Variants in ABCC5 observed in about 807,000 individuals in gnomAD.
ABCC5 encodes the protein ATP-binding cassette sub-family C member 5.
A neutral mutation model predicts 160.9 loss-of-function variants in ABCC5; 61 were observed. The observed-to-expected ratio is 0.38, with a 90% confidence interval of 0.31 to 0.47. ABCC5 has a LOEUF of 0.47. ABCC5 is among the 20% of genes least tolerant of loss of function. The pLI, the probability that ABCC5 is intolerant of heterozygous loss-of-function variation, is 0.99. For synonymous variants in ABCC5, 666 were observed against 700.6 expected, an observed-to-expected ratio of 0.95 and a Z score of 0.78; for missense variants, 1,308 against 1,813.3, an observed-to-expected ratio of 0.72 and a Z score of 5.06.
chr3:183,982,792 T>C lies in ABCC5; in HGVS notation c.807A>G (p.Lys269=). The C allele has an allele frequency of 6.2e-7, 1 of 1,614,246 alleles. No homozygotes were observed. Among genetic ancestry groups the C allele is most frequent in the Non-Finnish European group, 8.5e-7 (1 of 1,180,046 alleles). The change falls in exon 6 of 30, where the codon AAA becomes AAG. Residue 269 remains lysine (K), a synonymous_variant. Transcript: ENST00000334444. This position sits in a 1 kb window ranked among gnomAD's most constrained non-coding sequence, Gnocchi z 5.2. ...FKKILKLKNI[K]EKSLGELINI... is the part of the protein sequence containing the mutation. Reference sequence around the variant, plus strand: ...CACTCACCTCACCCAGGGATTTCTCTTTAATGTTCTTTAACTTAAGGATCT... The same window carrying C: ...CACTCACCTCACCCAGGGATTTCTCCTTAATGTTCTTTAACTTAAGGATCT...
chr3:183,971,536 C>G (rs1476538925), intron 11 of ABCC5, 27 bp downstream of exon 11: 1 of 1,599,554 alleles, frequency 6.3e-7, no homozygotes, highest in Non-Finnish European at 8.5e-7. Flanking sequence ...GGGGTGCGGG[C>G]AGGGAGGCAG....
At chr3:183,979,201 C>T (rs1288544988) in intron 8 of ABCC5, among the ~76,000 whole-genome samples, 4 of 152,026 alleles carry the variant, frequency 2.6e-5, no homozygotes, top group Admixed American at 1.3e-4. Context: ...AAAAATTAGC[C>T]GGGTGTGGTA....
chr3:183,961,653 T>C lies in ABCC5; in HGVS notation c.2237A>G (p.Tyr746Cys). 1 of 1,614,174 alleles carries C rather than the reference T, an allele frequency of 6.2e-7. No homozygotes were observed. Among genetic ancestry groups the C allele is most frequent in the Non-Finnish European group, 8.5e-7 (1 of 1,180,018 alleles). ...TVLFVTHQLQ[Y>C]LVDCDEVIFM... The stretch of plus-strand genomic sequence containing the variant: ...GATCACTTCATCACAGTCAACCAGG[T>C]ACTGAAGGCAAAGGCAGAGACAACA... Residue 746 changes from tyrosine to cysteine, a missense_variant and splice_region_variant, in exon 16 of 30, where the codon TAC becomes TGC. Tyr to Cys is a radical substitution (Grantham distance 194, BLOSUM62 -2). This residue lies in a region of ABCC5 where 1,142 missense variants were observed against 1,527.1 expected (regional missense o/e 0.75). Transcript: ENST00000334444.
chr3:183,939,052 T>C (rs1278738938), intron 25 of ABCC5, among the ~76,000 whole-genome samples: 2 of 152,262 alleles, frequency 1.3e-5, no homozygotes, highest in East Asian at 3.8e-4. Flanking sequence ...TAATCTCACT[T>C]CTATCATTTT....
At chr3:183,939,910 TCA>T (rs1714125714) in intron 25 of ABCC5, among the ~76,000 whole-genome samples, 1 of 152,110 alleles carries the variant, frequency 6.6e-6, no homozygotes, top group South Asian at 2.1e-4. Flanking sequence ...CTCATCGAGA[TCA>T]CCACGATGCT....
chr3:183,964,875 A>C (rs1717074117), intron 14 of ABCC5, among the ~76,000 whole-genome samples: 1 of 152,238 alleles, frequency 6.6e-6, no homozygotes, highest in Non-Finnish European at 1.5e-5. Flanking sequence ...AGTTCAAGGA[A>C]GATGCTCAAC....
rs1719356169 is a variant in ABCC5 at position 183,987,759 on chromosome 3, T to C, written c.591+11A>G. 1 of 1,614,050 alleles carries C rather than the reference T, an allele frequency of 6.2e-7. No individual in the cohort carries two copies. The highest frequency in any genetic ancestry group is 1.7e-5 in the Admixed American group (1 of 60,004). On this transcript the variant is annotated intron_variant, in intron 5 of 29. Transcript: ENST00000334444. The surrounding 1 kb of genome is among the most constrained non-coding windows in gnomAD (Gnocchi z 4.2). ...CCCTGGAGACTGTCGGAAAGGATGGTTAGAACTTACTGGTCCACTGAAGCC... is the reference window on the plus strand; with the variant it reads ...CCCTGGAGACTGTCGGAAAGGATGGCTAGAACTTACTGGTCCACTGAAGCC...
At position 183,947,659 on chromosome 3, in the gene ABCC5, A is replaced by G. The variant is rs1714973064; in HGVS notation, c.3228-149T>C. On this transcript the variant is annotated intron_variant, in intron 22 of 29. Transcript: ENST00000334444. The stretch of plus-strand genomic sequence containing the variant: ...AATGCCCTGGAAACTCCAGGAGGGT[A>G]TTCTAGGAATTCTGGAGGTATTCTA... The G allele has an allele frequency of 1.1e-5, 7 of 632,988 alleles. No homozygotes were observed. In the East Asian group the frequency reaches 2.0e-4, roughly 18 times the overall value. The allele number at this position is 632,988 out of a possible 1,614,324, so 39.2% of individuals were successfully genotyped here.
In ABCC5 at chr3:183,971,572, C is replaced by T. The variant is rs1339156308; in HGVS notation, c.1752G>A (p.Glu584=). 6.2e-7 allele frequency: 1 copy of T among 1,613,296 alleles called. No homozygotes were observed. Among genetic ancestry groups the T allele is most frequent in the South Asian group, 1.1e-5 (1 of 90,934 alleles). ...LQRTLHSIDL[E]IQEGKLVGIC... Reference sequence around the variant, plus strand: ...GGGGCGGACCACTTACCTCTTGGATCTCCAGATCGATGCTGTGCAGTGTCC... The same window carrying T: ...GGGGCGGACCACTTACCTCTTGGATTTCCAGATCGATGCTGTGCAGTGTCC... Residue 584 remains glutamate (E), a synonymous_variant, in exon 11 of 30, where the codon GAG becomes GAA. Coordinates refer to ENST00000334444, the MANE Select transcript of ABCC5 (RefSeq NM_005688.4).
chr3:183,957,305 T>C (rs1435167259), intron 17 of ABCC5, among the ~76,000 whole-genome samples: 1 of 110,360 alleles, frequency 9.1e-6, no homozygotes, highest in Non-Finnish European at 2.0e-5. Flanking sequence ...TGCGGATCCG[T>C]GTGTAAATCA....
In ABCC5 at chr3:183,965,333, C is replaced by T. The variant is rs751913160; in HGVS notation, c.1958+44G>A. 17 of 1,614,018 alleles carry T rather than the reference C, an allele frequency of 1.1e-5. No individual in the cohort carries two copies. The East Asian group carries it at 1.6e-4, about 15-fold the overall frequency. On this transcript the variant is annotated intron_variant, in intron 13 of 29. Coordinates refer to ENST00000334444, the MANE Select transcript of ABCC5 (RefSeq NM_005688.4). Reference sequence around the variant, plus strand: ...CTGACTAGGGCTGCCTTGCATCTCACGCGGCCAAGATGGAAAGCATGACAG... The same window carrying T: ...CTGACTAGGGCTGCCTTGCATCTCATGCGGCCAAGATGGAAAGCATGACAG...
intron 25 of ABCC5, among the ~76,000 whole-genome samples, chr3:183,940,920 G>A (rs569099845): frequency 9.4e-4 from 143 of 152,106 alleles, no homozygotes; most frequent in Admixed American, 2.0e-3. Context: ...GGGCAATAGC[G>A]CAATCTCAGC....
In ABCC5 at chr3:183,970,798, C is replaced by T. The variant is rs146429822; in HGVS notation, c.1761+765G>A. 9.8e-3 allele frequency among the ~76,000 whole-genome samples: 1,499 copies of T among 152,216 alleles called. 8 individuals are homozygous for T. The highest frequency in any genetic ancestry group is 0.015 in the Non-Finnish European group (1,043 of 68,010). ...ATATGCAATATATTGTATTTGCTCACGACCTGTCTGTGCCTGCTAGAATGT... is the reference window on the plus strand; with the variant it reads ...ATATGCAATATATTGTATTTGCTCATGACCTGTCTGTGCCTGCTAGAATGT... On this transcript the variant is annotated intron_variant, in intron 11 of 29. Transcript: ENST00000334444.
At chr3:184,008,676 A>T (rs1721438117) in intron 2 of ABCC5, among the ~76,000 whole-genome samples, 1 of 152,352 alleles carries the variant, frequency 6.6e-6, no homozygotes, top group Non-Finnish European at 1.5e-5. Flanking sequence ...TAATAGAGCA[A>T]TTTTTCCAAG....
chr3:183,949,009 T>C lies in ABCC5; in HGVS notation c.3227+744A>G, dbSNP rs1454061493. Among the ~76,000 whole-genome samples the C allele has an allele frequency of 6.6e-6, 1 of 152,176 alleles. No homozygotes were observed. Among genetic ancestry groups the C allele is most frequent in the African/African-American group, 2.4e-5 (1 of 41,432 alleles). On this transcript the variant is annotated intron_variant, in intron 22 of 29. Coordinates refer to ENST00000334444, the MANE Select transcript of ABCC5 (RefSeq NM_005688.4). The surrounding 1 kb of genome is among the most constrained non-coding windows in gnomAD (Gnocchi z 4.2). ...GGGAGCCACTGTACCCAGCCTGATA[T>C]TCTAAATGTTATACATAAAAACACA...
chr3:183,959,072 C>G (rs1716496507), intron 17 of ABCC5, among the ~76,000 whole-genome samples: 1 of 151,736 alleles, frequency 6.6e-6, no homozygotes, highest in Admixed American at 6.6e-5. Flanking sequence ...CACACACACA[C>G]ACACACACAC....
At chr3:183,929,879 A>G (rs1713007535) in intron 26 of ABCC5, among the ~76,000 whole-genome samples, 1 of 152,178 alleles carries the variant, frequency 6.6e-6, no homozygotes, top group South Asian at 2.1e-4. Context: ...GGGCCTCCCA[A>G]AATGCTGGGA....
At position 184,009,955 on chromosome 3, in the gene ABCC5, C is replaced by T. The variant is rs13434094; in HGVS notation, c.129+4309G>A. The T allele has an allele frequency of 4.4e-3, 1,890 of 433,072 alleles. 34 individuals carry two copies. Among genetic ancestry groups the T allele is most frequent in the African/African-American group, 0.034 (1,697 of 49,268 alleles). The allele number at this position is 433,072 out of a possible 1,614,324, so 26.8% of individuals were successfully genotyped here. ...CTTGAAGCTGGGAGTTCAACAACAG[C>T]CTGGCCAACAGTGAGAGTGCCTCTA... On this transcript the variant is annotated intron_variant, in intron 2 of 29. Transcript: ENST00000334444.
At position 183,942,360 on chromosome 3, in the gene ABCC5, G is replaced by A. The variant is rs1714448949; in HGVS notation, c.3694+367C>T. The A allele has an allele frequency of 1.1e-5, 5 of 466,136 alleles. No individual in the cohort carries two copies. In the Admixed American group the frequency reaches 1.2e-4, roughly 11 times the overall value. 28.9% of individuals were successfully genotyped at this position (466,136 alleles called of 1,614,324 possible). A position where few individuals can be genotyped will look rare whatever the true frequency, so the allele number is the denominator to read the frequency against. On this transcript the variant is annotated intron_variant, in intron 25 of 29. Transcript: ENST00000334444. ...ACTGATAGTTTTAAAAGAAGGCCATGAAACAGCATGTGTCAATGACCTCAT... is the reference window on the plus strand; with the variant it reads ...ACTGATAGTTTTAAAAGAAGGCCATAAAACAGCATGTGTCAATGACCTCAT...
Sources: allele counts gnomAD v4.1 joint callset (sites outside exome capture counted in the v4.1 genomes callset), GRCh38; gene constraint gnomAD v4.1.1; regional missense constraint gnomAD v4.1.1; non-coding constraint Gnocchi (gnomAD v3.1); transcripts MANE v1.5; gene names NCBI Gene and HGNC (gene_info 2026-07-23, HGNC 2026-07-21).